The following TNFAIP8 variants were observed in gnomAD, a reference collection of about 807,000 sequenced individuals.
The protein encoded by TNFAIP8 is tumor necrosis factor alpha-induced protein 8.
TNFAIP8 carries 7 observed loss-of-function variants against 13.3 expected under a neutral mutation model. The observed-to-expected ratio is 0.52, with a 90% CI of 0.30 to 0.99. The LOEUF is 0.99. Among genes scored for constraint, TNFAIP8 ranks in the 50% least tolerant of loss-of-function variants. The pLI, the probability that TNFAIP8 is intolerant of heterozygous loss-of-function variation, is 0.07. For missense variants in TNFAIP8, 258 were observed against 236.9 expected (o/e 1.09, Z -0.58); for synonymous variants, 94 against 87.6 (o/e 1.07, Z -0.41).
intron 1 of TNFAIP8, among the ~76,000 whole-genome samples, chr5:119,290,149 A>G (rs569098755): frequency 4.0e-5 from 6 of 149,888 alleles, no homozygotes; most frequent in African/African-American, 1.3e-4. Flanking sequence ...TACAGCATAC[A>G]TAAGTGAAGT....
intron 1 of TNFAIP8, among the ~76,000 whole-genome samples, chr5:119,296,176 G>C (rs554330001): frequency 3.3e-5 from 5 of 151,064 alleles, no homozygotes; most frequent in Non-Finnish European, 5.9e-5. Context: ...GAATAGGAGT[G>C]GTGAGAGAGG....
At chr5:119,299,724 G>A (rs563652532) in intron 1 of TNFAIP8, among the ~76,000 whole-genome samples, 1 of 152,330 alleles carries the variant, frequency 6.6e-6, no homozygotes, top group African/African-American at 2.4e-5. Flanking sequence ...GGAGTCTACA[G>A]AGGCAGGCAG....
chr5:119,374,877 T>A (rs551676401), intron 1 of TNFAIP8, among the ~76,000 whole-genome samples: 6 of 152,312 alleles, frequency 3.9e-5, no homozygotes, highest in South Asian at 2.1e-4. Flanking sequence ...CAAGTTTTTT[T>A]AAATACTAAT....
At chr5:119,301,183 T>A (rs919781639) in intron 1 of TNFAIP8, among the ~76,000 whole-genome samples, 2 of 152,196 alleles carry the variant, frequency 1.3e-5, no homozygotes, top group African/African-American at 4.8e-5. Context: ...TCCTACAGAT[T>A]AAAATCTGAG....
chr5:119,383,108 CA>C (rs1456610435), intron 1 of TNFAIP8, among the ~76,000 whole-genome samples: 1 of 152,170 alleles, frequency 6.6e-6, no homozygotes, highest in Non-Finnish European at 1.5e-5. Context: ...AATTTTCCCC[CA>C]TAAGACTCTT....
chr5:119,368,388 C>G (rs1751947088), intron 1 of TNFAIP8, among the ~76,000 whole-genome samples: 2 of 149,698 alleles, frequency 1.3e-5, no homozygotes, highest in Admixed American at 6.7e-5. Context: ...AAAAAAAAAC[C>G]CACACTTTCT....
chr5:119,370,308 T>C (rs1487905367), intron 1 of TNFAIP8, among the ~76,000 whole-genome samples: 5 of 152,162 alleles, frequency 3.3e-5, no homozygotes, highest in Non-Finnish European at 7.3e-5. Context: ...TATTACTTGA[T>C]TGAGCAACAG....
intron 1 of TNFAIP8, among the ~76,000 whole-genome samples, chr5:119,381,574 C>G (rs903486308): frequency 6.6e-6 from 1 of 151,938 alleles, no homozygotes; most frequent in African/African-American, 2.4e-5. Flanking sequence ...AAACGGAGTA[C>G]AGAGACTATA....
intron 1 of TNFAIP8, among the ~76,000 whole-genome samples, chr5:119,379,054 C>T (rs527385728): frequency 2.9e-4 from 44 of 152,296 alleles, no homozygotes; most frequent in African/African-American, 1.0e-3. Context: ...CAGAGTGAGA[C>T]ATTGTCTTTT....
chr5:119,377,093 G>A (rs1752311805), intron 1 of TNFAIP8, among the ~76,000 whole-genome samples: 1 of 152,130 alleles, frequency 6.6e-6, no homozygotes, highest in African/African-American at 2.4e-5. Flanking sequence ...CATAACAGTT[G>A]CTTAATAAAA....
At chr5:119,392,508 A>G (rs1035691971) in intron 1 of TNFAIP8, among the ~76,000 whole-genome samples, 2 of 152,040 alleles carry the variant, frequency 1.3e-5, no homozygotes, top group African/African-American at 4.8e-5. Flanking sequence ...CTTCTGCCTC[A>G]GCCTCCTGAG....
intron 1 of TNFAIP8, among the ~76,000 whole-genome samples, chr5:119,331,722 TC>T (rs1750385794): frequency 6.6e-6 from 1 of 152,222 alleles, no homozygotes; most frequent in South Asian, 2.1e-4. Context: ...AGCCTTGTCT[TC>T]CTGCAGCCTC....
chr5:119,317,475 A>AT lies in TNFAIP8; in HGVS notation c.1+48574dup, dbSNP rs1469217275. 1.1e-4 allele frequency among the ~76,000 whole-genome samples: 17 copies of AT among 151,732 alleles called. No homozygotes were observed. In the East Asian group the frequency reaches 2.7e-3, roughly 24 times the overall value. ...TAGATAAGGGGAGGCTAAGAAAGGC[A>AT]TTTTTTAATTGTATCAAAATCAGTT... On this transcript the variant is annotated intron_variant, in intron 1 of 1. Transcript: ENST00000274456.
chr5:119,286,979 C>G (rs981403612), intron 1 of TNFAIP8, among the ~76,000 whole-genome samples: 1 of 152,150 alleles, frequency 6.6e-6, no homozygotes, highest in African/African-American at 2.4e-5. Flanking sequence ...ATTTCTAAAC[C>G]CTGCATTGTT....
At chr5:119,321,923 TC>T (rs1750069785) in intron 1 of TNFAIP8, among the ~76,000 whole-genome samples, 1 of 151,894 alleles carries the variant, frequency 6.6e-6, no homozygotes, top group Non-Finnish European at 1.5e-5. Context: ...CTACCTAATT[TC>T]CTCCCACTCC....
chr5:119,278,368 AGAGAGAGAGTGT>A lies in TNFAIP8; in HGVS notation c.1+9463_1+9474del, dbSNP rs1561979537. On this transcript the variant is annotated intron_variant, in intron 1 of 1. Transcript: ENST00000274456. ...CAGGAAGGGGGAGAGAGAGAGAGAGAGAGAGAGAGTGTGTGTGTGTGTGTGTGTGTGTGTGTG... is the reference window on the plus strand; with the variant it reads ...CAGGAAGGGGGAGAGAGAGAGAGAGAGTGTGTGTGTGTGTGTGTGTGTGTG... Among the ~76,000 whole-genome samples, 580 of 135,416 alleles carry A rather than the reference AGAGAGAGAGTGT, an allele frequency of 4.3e-3. 4 individuals are homozygous for A. Among genetic ancestry groups the A allele is most frequent in the African/African-American group, 0.016 (551 of 33,468 alleles). 88.8% of individuals were successfully genotyped at this position (135,416 alleles called of 152,430 possible).
chr5:119,342,916 C>G (rs1193622310), intron 1 of TNFAIP8, among the ~76,000 whole-genome samples: 1 of 152,154 alleles, frequency 6.6e-6, no homozygotes, highest in Non-Finnish European at 1.5e-5. Context: ...TCTGGAATTC[C>G]CATCTGGGAT....
At chr5:119,302,149 G>C (rs939728945) in intron 1 of TNFAIP8, among the ~76,000 whole-genome samples, 1 of 152,156 alleles carries the variant, frequency 6.6e-6, no homozygotes, top group Non-Finnish European at 1.5e-5. Flanking sequence ...GTCCTAGTTG[G>C]GGTCAGGCTA....
chr5:119,337,502 C>CT lies in TNFAIP8; in HGVS notation c.2-55313dup, dbSNP rs574362660. Among the ~76,000 whole-genome samples the CT allele has an allele frequency of 3.9e-5, 6 of 152,092 alleles. No individual in the cohort carries two copies. In the South Asian group the frequency reaches 1.2e-3, roughly 32 times the overall value. On this transcript the variant is annotated intron_variant, in intron 1 of 1. Coordinates refer to the TNFAIP8 transcript ENST00000274456. ...GGTGCTCCTCAGGGAGCTATCTGAGCTGGATTTGATGAGAAGCTAAGAATG... is the reference window on the plus strand; with the variant it reads ...GGTGCTCCTCAGGGAGCTATCTGAGCTTGGATTTGATGAGAAGCTAAGAATG...
Sources: allele counts gnomAD v4.1 joint callset (sites outside exome capture counted in the v4.1 genomes callset), GRCh38; gene constraint gnomAD v4.1.1; transcripts MANE v1.5; gene names NCBI Gene and HGNC (gene_info 2026-07-23, HGNC 2026-07-21).